Variants in WDR88 observed in about 807,000 individuals in gnomAD.
WDR88 encodes WD repeat domain 88.
A neutral mutation model predicts 46.8 loss-of-function variants in WDR88; 40 were observed. That is an observed-to-expected ratio of 0.86 (90% CI 0.66 to 1.11). The LOEUF (loss-of-function observed/expected upper bound fraction) is 1.11. Among genes scored for constraint, WDR88 ranks in the 50% most tolerant of loss-of-function variants. The pLI is 0.00. For synonymous variants in WDR88, 235 were observed against 240.7 expected (o/e 0.98, Z 0.22); for missense variants, 562 against 602.4 (o/e 0.93, Z 0.70).
At chr19:33,149,324 A>AC (rs1421232087) in intron 5 of WDR88, among the ~76,000 whole-genome samples, 6 of 131,940 alleles carry the variant, frequency 4.5e-5, no homozygotes, top group East Asian at 2.3e-4. Flanking sequence ...TCCATCTCAA[A>AC]AAAACAAACA....
chr19:33,154,473 T>C (rs371653755), intron 6 of WDR88, among the ~76,000 whole-genome samples: 97 of 152,208 alleles, frequency 6.4e-4, no homozygotes, highest in African/African-American at 2.2e-3. Context: ...GAACGTGTGG[T>C]GTTTGGTCTT....
At chr19:33,149,343 AAAAAC>A (rs1357470268) in intron 5 of WDR88, among the ~76,000 whole-genome samples, 2 of 150,884 alleles carry the variant, frequency 1.3e-5, no homozygotes, top group African/African-American at 2.5e-5. Context: ...CAAACAAACA[AAAAAC>A]AAACAAACAA....
chr19:33,137,857 G>C (rs1973307222), intron 2 of WDR88, 70 bp downstream of exon 2: 1 of 1,348,230 alleles, frequency 7.4e-7, no homozygotes, highest in African/African-American at 1.4e-5. Context: ...CCTGTGTCGA[G>C]TTCCCCAGCA....
chr19:33,162,321 C>T (rs1488493334), intron 8 of WDR88, among the ~76,000 whole-genome samples: 2 of 152,128 alleles, frequency 1.3e-5, no homozygotes, highest in Admixed American at 6.5e-5. Flanking sequence ...CTACCTCAGC[C>T]TCCTGAGTAG....
intron 9 of WDR88, among the ~76,000 whole-genome samples, chr19:33,168,082 C>A (rs1230017362): frequency 6.7e-6 from 1 of 150,212 alleles, no homozygotes; most frequent in African/African-American, 2.5e-5. Context: ...GGCTGGCGTG[C>A]AGTGGCATGA....
chr19:33,133,144 G>A (rs1330047344), intron 1 of WDR88, among the ~76,000 whole-genome samples: 1 of 145,230 alleles, frequency 6.9e-6, no homozygotes, highest in Non-Finnish European at 1.5e-5. Context: ...GCAACAGAGC[G>A]AGACTGTCTC....
chr19:33,148,740 A>T (rs1168328391), intron 4 of WDR88, 32 bp from the exon 5 acceptor site: 4 of 1,613,750 alleles, frequency 2.5e-6, no homozygotes, highest in Non-Finnish European at 3.4e-6. Context: ...CACCTGGCTT[A>T]AAACAACCTT....
At position 33,160,433 on chromosome 19, in the gene WDR88, AG is replaced by A; in HGVS notation, c.1020del (p.Phe341LeufsTer10). On this transcript the variant is annotated frameshift_variant, in exon 8 of 11. Coordinates refer to ENST00000355868, the MANE Select transcript of WDR88 (RefSeq NM_173479.4). LOFTEE classifies it high-confidence loss of function. ...ARDSSFLISG[G>X]FDRTVAIWDV... Reference sequence around the variant, plus strand: ...TTGCAGGCTCTTTTCTCATTTCTGGAGGGTTTGATAGGACTGTGGCTATTTG... The same window carrying A: ...TTGCAGGCTCTTTTCTCATTTCTGGAGGTTTGATAGGACTGTGGCTATTTG... 9.3e-6 allele frequency: 15 copies of A among 1,613,888 alleles called. No individual in the cohort carries two copies. Among genetic ancestry groups the A allele is most frequent in the Non-Finnish European group, 1.3e-5 (15 of 1,179,988 alleles).
At chr19:33,169,833 C>G (rs555958502) in intron 9 of WDR88, among the ~76,000 whole-genome samples, 1 of 152,074 alleles carries the variant, frequency 6.6e-6, no homozygotes, top group South Asian at 2.1e-4. Flanking sequence ...TATAAATTCA[C>G]GGTATAGGCT....
chr19:33,156,344 CTG>C lies in WDR88; in HGVS notation c.810-7_810-6del. On this transcript the variant is annotated splice_polypyrimidine_tract_variant and intron_variant, in intron 6 of 10. Transcript: ENST00000355868. ...AGCGCTAATGTGTGCACCCCACCAT[CTG>C]TGTTTCAGGGCACATTCCAATGCAA... 1 of 1,613,178 alleles carries C rather than the reference CTG, an allele frequency of 6.2e-7. No homozygotes were observed.
chr19:33,156,926 T>G (rs542348187), intron 7 of WDR88, among the ~76,000 whole-genome samples: 2 of 152,194 alleles, frequency 1.3e-5, no homozygotes, highest in Admixed American at 1.3e-4. Context: ...CCGGATGAGG[T>G]GCCTTATGCC....
chr19:33,163,475 G>A (rs1231442824), intron 8 of WDR88, among the ~76,000 whole-genome samples: 1 of 151,836 alleles, frequency 6.6e-6, no homozygotes, highest in Non-Finnish European at 1.5e-5. Flanking sequence ...CAGCCTGGGC[G>A]ACAAGAGCAA....
At position 33,167,385 on chromosome 19, in the gene WDR88, C is replaced by T. The variant is rs928030262; in HGVS notation, c.1149+3120C>T. On this transcript the variant is annotated intron_variant, in intron 9 of 10. Coordinates refer to ENST00000355868, the MANE Select transcript of WDR88 (RefSeq NM_173479.4). ...CCCTTTCATTATAATAATAAAAAAA[C>T]CCAGAAAGCTAGGAATAAAGGGATA... 9.2e-5 allele frequency among the ~76,000 whole-genome samples: 14 copies of T among 151,604 alleles called. No homozygotes were observed. In the East Asian group the frequency reaches 2.5e-3, roughly 27 times the overall value.
At chr19:33,158,411 G>A (rs1973802873) in intron 7 of WDR88, among the ~76,000 whole-genome samples, 1 of 151,918 alleles carries the variant, frequency 6.6e-6, no homozygotes, top group Non-Finnish European at 1.5e-5. Flanking sequence ...GGGTGACGGA[G>A]TGAGACTCTG....
At chr19:33,132,596 C>T (rs1295202470) in intron 1 of WDR88, 151 bp downstream of exon 1, 2 of 1,287,498 alleles carry the variant, frequency 1.6e-6, no homozygotes, top group South Asian at 1.5e-5. Flanking sequence ...TGTGGTACAT[C>T]TGTGGGCAAA....
chr19:33,142,040 G>T (rs1973406348), intron 2 of WDR88, among the ~76,000 whole-genome samples: 1 of 152,160 alleles, frequency 6.6e-6, no homozygotes, highest in African/African-American at 2.4e-5. Flanking sequence ...CTGGGGGCAG[G>T]GACTGGAAAC....
chr19:33,155,949 C>T (rs950351176), intron 6 of WDR88, among the ~76,000 whole-genome samples: 2 of 152,222 alleles, frequency 1.3e-5, no homozygotes, highest in African/African-American at 4.8e-5. Flanking sequence ...GTGGTTGGCC[C>T]AGTGCCGTGG....
chr19:33,162,585 G>A (rs1012253518), intron 8 of WDR88, among the ~76,000 whole-genome samples: 3 of 152,088 alleles, frequency 2.0e-5, no homozygotes, highest in African/African-American at 7.2e-5. Context: ...GATCGAGTTT[G>A]CAGTTATTGG....
chr19:33,144,826 C>G lies in WDR88; in HGVS notation c.388-18C>G, dbSNP rs766392946. On this transcript the variant is annotated intron_variant, in intron 2 of 10. Transcript: ENST00000355868. ...GGCAGTGACCACTCTCTTCTCCTCT[C>G]TCTCCCGTTGATTTGAGGATCCGGT... is the stretch of plus-strand genomic sequence containing the variant. 2 of 1,610,948 alleles carry G rather than the reference C, an allele frequency of 1.2e-6. No individual in the cohort carries two copies. The highest frequency in any genetic ancestry group is 1.3e-5 in the African/African-American group (1 of 74,834).
Sources: allele counts gnomAD v4.1 joint callset (sites outside exome capture counted in the v4.1 genomes callset), GRCh38; gene constraint gnomAD v4.1.1; transcripts MANE v1.5; gene names NCBI Gene and HGNC (gene_info 2026-07-23, HGNC 2026-07-21).